The following MACROD2 variants were observed in gnomAD, a reference collection of about 807,000 sequenced individuals.
The protein encoded by MACROD2 is ADP-ribose glycohydrolase MACROD2.
Under a neutral mutation model 70.4 loss-of-function variants are expected in MACROD2, and 36 were observed. The observed-to-expected ratio is 0.51, with a 90% CI of 0.39 to 0.68. MACROD2 has a LOEUF of 0.68. Ranked by LOEUF, MACROD2 falls within the 30% of genes least tolerant of loss-of-function variation. MACROD2 has a pLI of 0.00. For missense variants in MACROD2, 496 were observed against 538.4 expected (o/e 0.92, Z 0.78); for synonymous variants, 172 against 178.8 (o/e 0.96, Z 0.30).
At chr20:15,828,863 A>C (rs1326129244) in intron 8 of MACROD2, among the ~76,000 whole-genome samples, 3 of 152,260 alleles carry the variant, frequency 2.0e-5, no homozygotes, top group Non-Finnish European at 4.4e-5. Flanking sequence ...ACTGCATTAC[A>C]TGCTTTAATC....
At chr20:14,711,683 T>C (rs1367399859) in intron 5 of MACROD2, among the ~76,000 whole-genome samples, 1 of 152,126 alleles carries the variant, frequency 6.6e-6, no homozygotes, top group Non-Finnish European at 1.5e-5. Flanking sequence ...CTGGCAACTC[T>C]TTTTCCCATT....
chr20:15,072,364 A>C (rs1375229808), intron 5 of MACROD2, among the ~76,000 whole-genome samples: 1 of 152,222 alleles, frequency 6.6e-6, no homozygotes. Flanking sequence ...AAAGACAGAC[A>C]GGATAATTCA....
At chr20:14,684,139 C>T (rs2070969665) in intron 4 of MACROD2, among the ~76,000 whole-genome samples, 1 of 152,170 alleles carries the variant, frequency 6.6e-6, no homozygotes, top group African/African-American at 2.4e-5. Flanking sequence ...GTCGGAGCAG[C>T]ACTGAAGTTC....
At chr20:14,661,655 G>A (rs1276626983) in intron 4 of MACROD2, among the ~76,000 whole-genome samples, 1 of 151,790 alleles carries the variant, frequency 6.6e-6, no homozygotes, top group Non-Finnish European at 1.5e-5. Context: ...TTTTTCCTAG[G>A]TTTTCTTCTA....
At chr20:15,048,826 CCTA>C (rs1413612141) in intron 5 of MACROD2, among the ~76,000 whole-genome samples, 1 of 152,088 alleles carries the variant, frequency 6.6e-6, no homozygotes, top group Non-Finnish European at 1.5e-5. Context: ...TATAGATGTG[CCTA>C]CTGTTAAAAA....
chr20:15,519,114 CCTTCCTTT>C (rs778305078), intron 8 of MACROD2, among the ~76,000 whole-genome samples: 1,895 of 110,816 alleles, frequency 0.017, 16 homozygotes, highest in South Asian at 0.044. Context: ...TTCCTTCCTT[CCTTCCTTT>C]CTTTCTTTCT....
At chr20:14,187,508 T>C (rs142801573) in intron 3 of MACROD2, among the ~76,000 whole-genome samples, 11 of 152,306 alleles carry the variant, frequency 7.2e-5, no homozygotes, top group Non-Finnish European at 1.0e-4. Context: ...TAAATGTGAA[T>C]TGACAGATAC....
intron 4 of MACROD2, among the ~76,000 whole-genome samples, chr20:14,655,692 T>G (rs1176256583): frequency 6.6e-6 from 1 of 152,208 alleles, no homozygotes; most frequent in Non-Finnish European, 1.5e-5. Flanking sequence ...ATGTGTCTCC[T>G]TTCAGGGATG....
chr20:14,756,932 C>T (rs1439635190), intron 5 of MACROD2, among the ~76,000 whole-genome samples: 2 of 152,184 alleles, frequency 1.3e-5, no homozygotes, highest in East Asian at 3.9e-4. Context: ...TCATTCTTCT[C>T]TCTCCTGCCA....
chr20:15,124,196 C>A (rs1208419742), intron 5 of MACROD2, among the ~76,000 whole-genome samples: 1 of 151,058 alleles, frequency 6.6e-6, no homozygotes, highest in African/African-American at 2.4e-5. Context: ...ATGTAAGTGG[C>A]AGTGAAGAAT....
intron 4 of MACROD2, among the ~76,000 whole-genome samples, chr20:14,516,059 T>A (rs2085096569): frequency 6.7e-6 from 1 of 148,500 alleles, no homozygotes. Context: ...ATCTATAAAA[T>A]CATTATCTCT....
chr20:14,044,214 G>A (rs2053433817), intron 2 of MACROD2, among the ~76,000 whole-genome samples: 1 of 151,948 alleles, frequency 6.6e-6, no homozygotes, highest in Non-Finnish European at 1.5e-5. Context: ...CTTTCGCGGT[G>A]AGTGTTACAG....
chr20:15,945,192 T>A (rs1372996850), intron 12 of MACROD2, among the ~76,000 whole-genome samples: 3 of 152,216 alleles, frequency 2.0e-5, no homozygotes, highest in African/African-American at 7.2e-5. Flanking sequence ...GTGTTCCTGG[T>A]ACACAGTAGG....
At chr20:14,636,805 G>GA (rs11481575) in intron 4 of MACROD2, among the ~76,000 whole-genome samples, 29,944 of 152,018 alleles carry the variant, frequency 0.2, 6,135 homozygotes, top group African/African-American at 0.51. Flanking sequence ...ATCCAAGATA[G>GA]AAAAAATAAA....
intron 6 of MACROD2, among the ~76,000 whole-genome samples, chr20:15,298,485 G>C (rs2077611919): frequency 6.6e-6 from 1 of 152,192 alleles, no homozygotes. Context: ...AGAAGAGTAA[G>C]GGTTACATTC....
chr20:14,718,292 C>CAAAAAAAAAAAAAAAAAAAAAA (rs11358439), intron 5 of MACROD2, among the ~76,000 whole-genome samples: 1 of 54,640 alleles, frequency 1.8e-5, no homozygotes, highest in Non-Finnish European at 3.0e-5. Context: ...GACTCTGTCT[C>CAAAAAAAAAAAAAAAAAAAAAA]AAAAAAAAAA....
At chr20:14,957,027 CA>C (rs2074542575) in intron 5 of MACROD2, among the ~76,000 whole-genome samples, 1 of 152,026 alleles carries the variant, frequency 6.6e-6, no homozygotes. Flanking sequence ...TTATCTTTGA[CA>C]ATAAGCAATA....
rs141185461 is a variant in MACROD2, at chr20:15,894,580, G to A, written c.775+8769G>A. Among the ~76,000 whole-genome samples the A allele has an allele frequency of 1.9e-4, 29 of 152,288 alleles. No homozygotes were observed. The East Asian group carries it at 5.6e-3, about 29-fold the overall frequency. On this transcript the variant is annotated intron_variant, in intron 10 of 17. Coordinates refer to ENST00000684519, the MANE Select transcript of MACROD2 (RefSeq NM_001351661.2). Reference sequence around the variant, plus strand: ...CTCCCAGGCTTACTGTAAGAAAGGAGAGGTGCAGAAAGGCACAGAAACAGA... The same window carrying A: ...CTCCCAGGCTTACTGTAAGAAAGGAAAGGTGCAGAAAGGCACAGAAACAGA...
chr20:15,781,142 A>T (rs1054811105), intron 8 of MACROD2, among the ~76,000 whole-genome samples: 1 of 152,210 alleles, frequency 6.6e-6, no homozygotes, highest in Non-Finnish European at 1.5e-5. Flanking sequence ...AAAACTCTAT[A>T]GGAGAAATTC....
Sources: gnomAD v4.1 joint callset for allele counts (sites outside exome capture counted in the v4.1 genomes callset) on GRCh38, gnomAD v4.1.1 for gene constraint, MANE v1.5 for transcripts, NCBI Gene and HGNC (gene_info 2026-07-23, HGNC 2026-07-21) for gene names.